Variants in SKP1 observed in about 807,000 individuals in gnomAD.
SKP1 encodes S-phase kinase associated protein 1.
SKP1 carries 1 observed loss-of-function variant against 21.5 expected under a neutral mutation model. The observed-to-expected ratio is 0.05, with a 90% CI of 0.02 to 0.22. The LOEUF is 0.22. SKP1 is among the 10% of genes least tolerant of loss of function. The pLI, the probability that SKP1 is intolerant of heterozygous loss-of-function variation, is 1.00. For synonymous variants in SKP1, 59 were observed against 59.3 expected (o/e 0.99, Z 0.03); for missense variants, 70 against 192.0 (o/e 0.36, Z 3.76).
intron 2 of SKP1, among the ~76,000 whole-genome samples, chr5:134,172,738 C>A (rs542563171): frequency 6.6e-6 from 1 of 152,048 alleles, no homozygotes; most frequent in African/African-American, 2.4e-5. Context: ...TTAGGCTGGG[C>A]GTGGTGTCTC....
At chr5:134,172,461 T>C (rs1761459719) in intron 2 of SKP1, among the ~76,000 whole-genome samples, 1 of 152,150 alleles carries the variant, frequency 6.6e-6, no homozygotes, top group African/African-American at 2.4e-5. Flanking sequence ...AGATCCACAT[T>C]AACTAGCGAA....
rs1761031948 is a variant in SKP1 at position 134,150,806 on chromosome 5, A to G, written c.*6927T>C. 6.6e-6 allele frequency: 1 copy of G among 152,196 alleles called. No individual in the cohort carries two copies. The highest frequency in any genetic ancestry group is 6.5e-5 in the Admixed American group (1 of 15,278). 9.4% of individuals were successfully genotyped at this position (152,196 alleles called of 1,614,324 possible). On this transcript the variant is annotated 3_prime_UTR_variant, in exon 6 of 6. Coordinates refer to ENST00000353411, the MANE Select transcript of SKP1 (RefSeq NM_170679.3). ...AATTCTGACTCCTGAGCTCTTCTCT[A>G]ATAGTTTGGAGCTACTAACAAACCA...
At chr5:134,160,920 A>C in intron 4 of SKP1, 67 bp downstream of exon 4, 1 of 1,136,398 alleles carries the variant, frequency 8.8e-7, no homozygotes, top group Admixed American at 2.4e-5. Flanking sequence ...TGAAGTTAGC[A>C]AATTTAAATC....
chr5:134,173,108 G>A (rs1449707050), intron 2 of SKP1, among the ~76,000 whole-genome samples: 1 of 151,922 alleles, frequency 6.6e-6, no homozygotes, highest in South Asian at 2.1e-4. Flanking sequence ...CGAGGTGGGC[G>A]GATCACCTGA....
At chr5:134,176,109 C>G (rs114104837) in intron 1 of SKP1, among the ~76,000 whole-genome samples, 1 of 152,196 alleles carries the variant, frequency 6.6e-6, no homozygotes, top group East Asian at 1.9e-4. Context: ...TGAATCAAAG[C>G]AGGTAGACGT....
intron 2 of SKP1, among the ~76,000 whole-genome samples, chr5:134,170,490 A>C (rs1456963701): frequency 6.6e-6 from 1 of 152,184 alleles, no homozygotes; most frequent in African/African-American, 2.4e-5. Flanking sequence ...ATGTGCCAAG[A>C]GTCTCACTTC....
intron 3 of SKP1, chr5:134,161,609 C>T (rs1159590760): frequency 6.6e-6 from 1 of 152,356 alleles, no homozygotes; most frequent in Non-Finnish European, 1.5e-5. Flanking sequence ...GAAACTGATA[C>T]TAATTGTTGG....
chr5:134,167,123 G>A (rs775026979), intron 3 of SKP1, 47 bp downstream of exon 3: 1 of 892,924 alleles, frequency 1.1e-6, no homozygotes, highest in Non-Finnish European at 1.8e-6. Flanking sequence ...TAATCAATTG[G>A]TGTTATATAT....
At position 134,173,864 on chromosome 5, in the gene SKP1, G is replaced by C. The variant is rs952803553; in HGVS notation, c.97+62C>G. Reference sequence around the variant, plus strand: ...GACAGGCTGCTGCTCATATAAATTTGATATTCACAAACTATCTCAAATTAC... The same window carrying C: ...GACAGGCTGCTGCTCATATAAATTTCATATTCACAAACTATCTCAAATTAC... On this transcript the variant is annotated intron_variant, in intron 2 of 5. Coordinates refer to ENST00000353411, the MANE Select transcript of SKP1 (RefSeq NM_170679.3). The C allele has an allele frequency of 2.4e-5, 22 of 905,606 alleles. No homozygotes were observed. The African/African-American group carries it at 3.6e-4, about 15-fold the overall frequency. The allele number at this position is 905,606 out of a possible 1,614,324, so 56.1% of individuals were successfully genotyped here.
chr5:134,169,105 G>C (rs1012611486), intron 2 of SKP1, among the ~76,000 whole-genome samples: 2 of 152,110 alleles, frequency 1.3e-5, no homozygotes, highest in African/African-American at 4.8e-5. Flanking sequence ...GGAATTTTGG[G>C]AACCAAGTCA....
At chr5:134,158,387 T>G in intron 5 of SKP1, 68 bp downstream of exon 5, 1 of 1,612,348 alleles carries the variant, frequency 6.2e-7, no homozygotes, top group East Asian at 2.2e-5. Context: ...CCTCTTTTGC[T>G]GGCATGTTAT....
intron 3 of SKP1, 151 bp from the exon 4 acceptor site, chr5:134,161,281 T>C: frequency 1.7e-6 from 1 of 598,152 alleles, no homozygotes; most frequent in Non-Finnish European, 2.9e-6. Context: ...AAATGAAGCT[T>C]GAAGAATCAT....
chr5:134,158,631 TG>T (rs1261911675), intron 4 of SKP1, 36 bp from the exon 5 acceptor site: 2 of 1,586,666 alleles, frequency 1.3e-6, no homozygotes, highest in African/African-American at 2.7e-5. Context: ...AAAGTATACT[TG>T]ATGTTTTAAA....
rs887916853 is a variant in SKP1 at position 134,154,109 on chromosome 5, A to G, written c.*3624T>C. On this transcript the variant is annotated 3_prime_UTR_variant, in exon 6 of 6. Coordinates refer to ENST00000353411, the MANE Select transcript of SKP1 (RefSeq NM_170679.3). ...TGTATACCAAGAATAGATTAAGGCA[A>G]GCTAACACATGGCACTTCAAAAGAG... 1.3e-5 allele frequency: 2 copies of G among 152,238 alleles called. No individual in the cohort carries two copies. The highest frequency in any genetic ancestry group is 4.8e-5 in the African/African-American group (2 of 41,462). 9.4% of individuals were successfully genotyped at this position (152,238 alleles called of 1,614,324 possible).
At chr5:134,163,084 G>T (rs999632967) in intron 3 of SKP1, among the ~76,000 whole-genome samples, 1 of 151,524 alleles carries the variant, frequency 6.6e-6, no homozygotes, top group Non-Finnish European at 1.5e-5. Context: ...GACTGGTGGT[G>T]CACACCTATG....
chr5:134,151,134 C>T lies in SKP1; in HGVS notation c.*6599G>A, dbSNP rs904921214. The T allele has an allele frequency of 2.0e-5, 3 of 152,316 alleles. No homozygotes were observed. Among genetic ancestry groups the T allele is most frequent in the African/African-American group, 7.2e-5 (3 of 41,428 alleles). The allele number at this position is 152,316 out of a possible 1,614,324, so 9.4% of individuals were successfully genotyped here. A position where few individuals can be genotyped will look rare whatever the true frequency, so the allele number is the denominator to read the frequency against. ...AGCTGTGAATTATGCGGGAGATAGTCCAGGCCAATACTTCTTTCATATTCA... is the reference window on the plus strand; with the variant it reads ...AGCTGTGAATTATGCGGGAGATAGTTCAGGCCAATACTTCTTTCATATTCA... On this transcript the variant is annotated 3_prime_UTR_variant, in exon 6 of 6. Transcript: ENST00000353411.
chr5:134,167,762 G>C (rs908742523), intron 2 of SKP1, among the ~76,000 whole-genome samples: 78 of 152,300 alleles, frequency 5.1e-4, no homozygotes, highest in African/African-American at 1.8e-3. Flanking sequence ...CTGACCTCGT[G>C]ATCTACCCGC....
In SKP1 at chr5:134,155,628, T is replaced by C. The variant is rs1336330200; in HGVS notation, c.*2105A>G. ...TATCCTTTAAATACGGATAGTGACG[T>C]TATTTACTCATATAATTCTAACTAC... is the stretch of plus-strand genomic sequence containing the variant. On this transcript the variant is annotated 3_prime_UTR_variant, in exon 6 of 6. Transcript: ENST00000353411. The C allele has an allele frequency of 6.6e-6, 1 of 152,246 alleles. No individual in the cohort carries two copies. Among genetic ancestry groups the C allele is most frequent in the Admixed American group, 6.5e-5 (1 of 15,286 alleles). 9.4% of individuals were successfully genotyped at this position (152,246 alleles called of 1,614,324 possible).
chr5:134,158,408 C>G, intron 5 of SKP1, 47 bp downstream of exon 5: 2 of 1,613,580 alleles, frequency 1.2e-6, no homozygotes, highest in Non-Finnish European at 1.7e-6. Flanking sequence ...AGGTGTTACT[C>G]CCTTTTTAAG....
Sources: gnomAD v4.1 joint callset for allele counts (sites outside exome capture counted in the v4.1 genomes callset) on GRCh38, gnomAD v4.1.1 for gene constraint, MANE v1.5 for transcripts, NCBI Gene and HGNC (gene_info 2026-07-23, HGNC 2026-07-21) for gene names.